Variants in ABLIM1 observed in about 807,000 individuals in gnomAD.
The protein encoded by ABLIM1 is actin binding LIM protein 1.
A neutral mutation model predicts 107.0 loss-of-function variants in ABLIM1; 40 were observed. The observed-to-expected ratio is 0.37, with a 90% CI of 0.29 to 0.49. ABLIM1 has a LOEUF of 0.49. ABLIM1 is among the 20% of genes least tolerant of loss of function. ABLIM1 has a pLI of 0.97. For missense variants in ABLIM1, 857 were observed against 1,008.5 expected, an observed-to-expected ratio of 0.85 and a Z score of 2.04; for synonymous variants, 357 against 357.3, an observed-to-expected ratio of 1.00 and a Z score of 0.01.
intron 1 of ABLIM1, among the ~76,000 whole-genome samples, chr10:114,699,519 G>T (rs2081266264): frequency 6.6e-6 from 1 of 152,064 alleles, no homozygotes; most frequent in Non-Finnish European, 1.5e-5. Flanking sequence ...GACAGAAAGT[G>T]TGGGTAGGAG....
At chr10:114,568,475 G>C (rs1346520359) in intron 4 of ABLIM1, among the ~76,000 whole-genome samples, 1 of 152,214 alleles carries the variant, frequency 6.6e-6, no homozygotes, top group Non-Finnish European at 1.5e-5. Flanking sequence ...GGCAATTCTT[G>C]AAGAGTCACG....
rs1243865551 is a variant in ABLIM1 at position 114,435,930 on chromosome 10, C to T, written c.*330G>A. On this transcript the variant is annotated 3_prime_UTR_variant, in exon 23 of 23. Coordinates refer to ENST00000533213, the MANE Select transcript of ABLIM1 (RefSeq NM_002313.7). The stretch of plus-strand genomic sequence containing the variant: ...ACTTGCCAGCTCTTATCCGGACAGT[C>T]AGCACTGTTGTTGGACAACAGATAA... 9.6e-6 allele frequency: 2 copies of T among 207,574 alleles called. No homozygotes were observed. Among genetic ancestry groups the T allele is most frequent in the African/African-American group, 4.6e-5 (2 of 43,342 alleles). The allele number at this position is 207,574 out of a possible 1,614,324, so 12.9% of individuals were successfully genotyped here.
upstream of ABLIM1, among the ~76,000 whole-genome samples, chr10:114,685,573 G>A (rs1045816804): frequency 5.1e-4 from 78 of 152,122 alleles, no homozygotes; most frequent in African/African-American, 1.7e-3. Flanking sequence ...CCTTCCCCTG[G>A]TCCAGGCTAC....
intron 7 of ABLIM1, among the ~76,000 whole-genome samples, chr10:114,490,051 G>A (rs1590337398): frequency 1.3e-5 from 2 of 152,314 alleles, no homozygotes; most frequent in East Asian, 3.9e-4. Context: ...TGGCACTCCT[G>A]TGTCTTTGCT....
intron 1 of ABLIM1, chr10:114,613,720 ATC>A: frequency 7.6e-7 from 1 of 1,317,166 alleles, no homozygotes. Context: ...TGTTCACAGC[ATC>A]CAACTTGCAA....
intron 1 of ABLIM1, among the ~76,000 whole-genome samples, chr10:114,725,555 A>G (rs75925495): frequency 0.036 from 5,413 of 152,208 alleles, 328 homozygotes; most frequent in African/African-American, 0.12. Flanking sequence ...TTCTTCTGGA[A>G]GAACACAAGA....
chr10:114,788,535 C>T, the ABLIM1 span, among the ~76,000 whole-genome samples: 1 of 151,906 alleles, frequency 6.6e-6, no homozygotes, highest in East Asian at 2.0e-4. Flanking sequence ...TGAGACCAGC[C>T]TGACCAATAT....
chr10:114,469,340 C>T (rs2065986180), intron 10 of ABLIM1, among the ~76,000 whole-genome samples: 1 of 152,166 alleles, frequency 6.6e-6, no homozygotes, highest in Non-Finnish European at 1.5e-5. Context: ...CTATCATTCA[C>T]CTCGCCAATC....
intron 1 of ABLIM1, among the ~76,000 whole-genome samples, chr10:114,729,880 C>A (rs369100507): frequency 6.6e-6 from 1 of 152,102 alleles, no homozygotes; most frequent in Non-Finnish European, 1.5e-5. Flanking sequence ...AGAATACAAA[C>A]GTTTTGAGAA....
At chr10:114,472,816 T>C (rs2066852197) in intron 10 of ABLIM1, among the ~76,000 whole-genome samples, 161 bp downstream of exon 10, 1 of 152,176 alleles carries the variant, frequency 6.6e-6, no homozygotes, top group Non-Finnish European at 1.5e-5. Flanking sequence ...CTTCTCATGA[T>C]GGGCTTCTGA....
chr10:114,734,247 C>T (rs2082133623), intron 1 of ABLIM1, among the ~76,000 whole-genome samples: 1 of 152,174 alleles, frequency 6.6e-6, no homozygotes, highest in Non-Finnish European at 1.5e-5. Flanking sequence ...GTCACCTAAT[C>T]TAATTCACCC....
intron 1 of ABLIM1, among the ~76,000 whole-genome samples, chr10:114,731,391 C>T (rs1470074980): frequency 6.6e-6 from 1 of 151,880 alleles, no homozygotes; most frequent in African/African-American, 2.4e-5. Context: ...ATCTGCGTGC[C>T]TCGGCCTCCC....
chr10:114,611,638 C>G (rs1696983037), intron 1 of ABLIM1, among the ~76,000 whole-genome samples: 1 of 152,174 alleles, frequency 6.6e-6, no homozygotes, highest in African/African-American at 2.4e-5. Context: ...TAATCTGATT[C>G]CCCCAAGGCA....
chr10:114,463,308 G>T, intron 12 of ABLIM1: 1 of 816,524 alleles, frequency 1.2e-6, no homozygotes. Flanking sequence ...GGAGGAAGGA[G>T]AAAGGGTTAA....
At chr10:114,731,265 C>T (rs368454514) in intron 1 of ABLIM1, among the ~76,000 whole-genome samples, 4 of 150,938 alleles carry the variant, frequency 2.7e-5, no homozygotes, top group African/African-American at 4.9e-5. Context: ...CTCAGCCTTG[C>T]GAGTAGCTGA....
intron 1 of ABLIM1, among the ~76,000 whole-genome samples, chr10:114,679,632 T>A (rs2080652173): frequency 8.7e-6 from 1 of 115,102 alleles, no homozygotes; most frequent in Non-Finnish European, 1.7e-5. Flanking sequence ...CAAAACTCCG[T>A]CTCAAAAAAA....
rs769741500 is a variant in ABLIM1 at position 114,440,035 on chromosome 10, C to T, written c.2067+47G>A. The T allele has an allele frequency of 5.0e-6, 8 of 1,613,566 alleles. No homozygotes were observed. The Admixed American group carries it at 1.3e-4, about 27-fold the overall frequency. On this transcript the variant is annotated intron_variant, in intron 20 of 22. Transcript: ENST00000533213. ...GCCAGCAGTCTGGGTTGGAACATGG[C>T]TGTTCTATCGGTGTGGCCAATTCAA...
At chr10:114,516,982 C>G (rs1480579106) in intron 6 of ABLIM1, among the ~76,000 whole-genome samples, 1 of 152,136 alleles carries the variant, frequency 6.6e-6, no homozygotes, top group Non-Finnish European at 1.5e-5. Flanking sequence ...GATGCCATTC[C>G]TTGGGACTCC....
chr10:114,719,390 G>C (rs556057236), intron 1 of ABLIM1, among the ~76,000 whole-genome samples: 1 of 152,232 alleles, frequency 6.6e-6, no homozygotes, highest in African/African-American at 2.4e-5. Context: ...CCTTGTCCAG[G>C]GTTACTTAGT....
Sources: allele counts gnomAD v4.1 joint callset (sites outside exome capture counted in the v4.1 genomes callset), GRCh38; gene constraint gnomAD v4.1.1; transcripts MANE v1.5; gene names NCBI Gene and HGNC (gene_info 2026-07-23, HGNC 2026-07-21).